Variants in HADHA observed in about 807,000 individuals in gnomAD.
The protein encoded by HADHA is trifunctional enzyme subunit alpha, mitochondrial.
In HADHA, 59 loss-of-function variants were observed where a neutral mutation model predicts 91.3. That is an observed-to-expected ratio of 0.65 (90% confidence interval 0.52 to 0.80). The LOEUF (loss-of-function observed/expected upper bound fraction) is 0.80, where lower values mean the gene tolerates loss of function less well. HADHA is among the 30% of genes least tolerant of loss of function. The pLI, the probability that HADHA is intolerant of heterozygous loss-of-function variation, is 0.00. For synonymous variants in HADHA, 320 were observed against 338.9 expected (o/e 0.94, Z 0.61); for missense variants, 800 against 927.6 (o/e 0.86, Z 1.79).
chr2:26,224,879 A>G (rs1470594668), intron 7 of HADHA, among the ~76,000 whole-genome samples: 1 of 152,262 alleles, frequency 6.6e-6, no homozygotes, highest in Non-Finnish European at 1.5e-5. Flanking sequence ...CTATCAGCTG[A>G]TAAACTATCA....
At chr2:26,197,347 CTA>C in intron 14 of HADHA, among the ~76,000 whole-genome samples, 1 of 152,214 alleles carries the variant, frequency 6.6e-6, no homozygotes, top group Non-Finnish European at 1.5e-5. Flanking sequence ...CAAACCTGTT[CTA>C]AACAGTCACT....
intron 5 of HADHA, 40 bp downstream of exon 5, chr2:26,234,177 T>A (rs1336254655): frequency 6.3e-7 from 1 of 1,594,264 alleles, no homozygotes; most frequent in Non-Finnish European, 8.6e-7. Context: ...ATGCCACCAA[T>A]GAGTTGGACA....
chr2:26,191,491 C>T lies in HADHA; in HGVS notation c.2138G>A (p.Cys713Tyr). The T allele has an allele frequency of 1.2e-6, 2 of 1,614,186 alleles. No individual in the cohort carries two copies. The highest frequency in any genetic ancestry group is 1.1e-5 in the South Asian group (1 of 91,082). The change falls in exon 19 of 20, where the codon TGT becomes TAT. Residue 713 changes from cysteine to tyrosine, a missense_variant. By Grantham distance (194) the Cys-to-Tyr change is radical. Transcript: ENST00000380649. ...GAVFGLGFPP[C>Y]LGGPFRFVDL... ...CAACCTGCGAGACCAACCTCCCAGA[C>T]AAGGCGGGAAGCCAAGCCCAAAGAC...
rs550076333 is a variant in HADHA, at chr2:26,229,612, G to A, written c.676+580C>T. Among the ~76,000 whole-genome samples the A allele has an allele frequency of 6.6e-6, 1 of 152,146 alleles. No homozygotes were observed. The highest frequency in any genetic ancestry group is 1.5e-5 in the Non-Finnish European group (1 of 68,024). ...ACACAAGAAACTGAAGGAAGGTTAT[G>A]CATGGATAATGATACAGGTAATTTA... On this transcript the variant is annotated intron_variant, in intron 7 of 19. Coordinates refer to ENST00000380649, the MANE Select transcript of HADHA (RefSeq NM_000182.5). This position sits in a 1 kb window ranked among gnomAD's most constrained non-coding sequence, Gnocchi z 4.3.
At chr2:26,235,928 A>G (rs565013028) in intron 4 of HADHA, among the ~76,000 whole-genome samples, 8 of 152,344 alleles carry the variant, frequency 5.3e-5, no homozygotes, top group Middle Eastern at 3.4e-3. Flanking sequence ...AGCTGCCTTT[A>G]ACAATCAAGT....
intron 7 of HADHA, among the ~76,000 whole-genome samples, chr2:26,219,735 C>T (rs1485646852): frequency 6.6e-6 from 1 of 152,110 alleles, no homozygotes; most frequent in Non-Finnish European, 1.5e-5. Flanking sequence ...AATAGTGGAG[C>T]CAAAGCAGTA....
chr2:26,238,789 G>A lies in HADHA; in HGVS notation c.180+145C>T, dbSNP rs1213626343. 8 of 699,762 alleles carry A rather than the reference G, an allele frequency of 1.1e-5. No individual in the cohort carries two copies. The East Asian group carries it at 1.9e-4, about 16-fold the overall frequency. 43.3% of individuals were successfully genotyped at this position (699,762 alleles called of 1,614,324 possible). On this transcript the variant is annotated intron_variant, in intron 3 of 19. Coordinates refer to ENST00000380649, the MANE Select transcript of HADHA (RefSeq NM_000182.5). Reference sequence around the variant, plus strand: ...CTGGCTCCCTTGGCAATCTGTCAAAGTTTAACATAACTGTCAAAACTGTAA... The same window carrying A: ...CTGGCTCCCTTGGCAATCTGTCAAAATTTAACATAACTGTCAAAACTGTAA...
chr2:26,207,664 A>T (rs1486043560), intron 11 of HADHA, among the ~76,000 whole-genome samples: 1 of 152,238 alleles, frequency 6.6e-6, no homozygotes, highest in East Asian at 1.9e-4. Flanking sequence ...ATGCTTTATA[A>T]GCCAACTGCT....
intron 7 of HADHA, among the ~76,000 whole-genome samples, chr2:26,220,415 A>G (rs1327479849): frequency 6.6e-6 from 1 of 152,198 alleles, no homozygotes; most frequent in African/African-American, 2.4e-5. Flanking sequence ...CAACACCACA[A>G]TCCTGGAGGG....
chr2:26,196,127 T>A (rs1669666574), intron 14 of HADHA, among the ~76,000 whole-genome samples: 1 of 152,218 alleles, frequency 6.6e-6, no homozygotes, highest in African/African-American at 2.4e-5. Context: ...TACAACCCTA[T>A]GAACTGGTCA....
chr2:26,191,096 T>C lies in HADHA; in HGVS notation c.*154A>G. 2.8e-6 allele frequency: 2 copies of C among 724,044 alleles called. No homozygotes were observed. The highest frequency in any genetic ancestry group is 4.9e-6 in the Non-Finnish European group (2 of 409,754). 44.9% of individuals were successfully genotyped at this position (724,044 alleles called of 1,614,324 possible). A position where few individuals can be genotyped will look rare whatever the true frequency, so the allele number is the denominator to read the frequency against. On this transcript the variant is annotated 3_prime_UTR_variant, in exon 20 of 20. Transcript: ENST00000380649. ...GTCACACTTCACCAGGAGGGAGAGATGGTCTTGGCTGAAGGCACTTTAATC... is the reference window on the plus strand; with the variant it reads ...GTCACACTTCACCAGGAGGGAGAGACGGTCTTGGCTGAAGGCACTTTAATC...
intron 1 of HADHA, among the ~76,000 whole-genome samples, chr2:26,241,488 A>C (rs181769114): frequency 6.6e-6 from 1 of 151,620 alleles, no homozygotes; most frequent in African/African-American, 2.4e-5. Context: ...AAAAAAAAAA[A>C]AACAAAAAAA....
At chr2:26,211,673 G>C (rs1379603691) in intron 10 of HADHA, among the ~76,000 whole-genome samples, 1 of 152,160 alleles carries the variant, frequency 6.6e-6, no homozygotes, top group Non-Finnish European at 1.5e-5. Context: ...TTTTGGATAA[G>C]AGATATTCAA....
In HADHA at chr2:26,229,883, A is replaced by G. The variant is rs965388013; in HGVS notation, c.676+309T>C. Among the ~76,000 whole-genome samples the G allele has an allele frequency of 2.6e-5, 4 of 152,126 alleles. No individual in the cohort carries two copies. The highest frequency in any genetic ancestry group is 5.9e-5 in the Non-Finnish European group (4 of 68,020). The stretch of plus-strand genomic sequence containing the variant: ...GCTCTGTTGCCCAGGCTGGAGCACA[A>G]TGGCATGATCTTGGCTCACTGCAAC... On this transcript the variant is annotated intron_variant, in intron 7 of 19. Transcript: ENST00000380649. This position sits in a 1 kb window ranked among gnomAD's most constrained non-coding sequence, Gnocchi z 4.3.
Position 26,236,953 on chromosome 2 carries a change from G to C in HADHA, c.216C>G (p.Phe72Leu). 6.2e-7 allele frequency: 1 copy of C among 1,605,864 alleles called. No individual in the cohort carries two copies. Among genetic ancestry groups the C allele is most frequent in the East Asian group, 2.2e-5 (1 of 44,850 alleles). Residue 72 changes from phenylalanine (F) to leucine (L), a missense_variant, in exon 4 of 20, where the codon TTC becomes TTG. Phe to Leu is a conservative substitution (Grantham distance 22, BLOSUM62 0). Transcript: ENST00000380649. ...CCCAGATTTCATTCATAACTTCTGA[G>C]AACTCTGAATGTAGCTCTTTACTCA... ...NTLSKELHSEFSEVMNEIWAS... is the reference protein window; with the variant it reads ...NTLSKELHSELSEVMNEIWAS...
chr2:26,214,657 C>G lies in HADHA; in HGVS notation c.800-96G>C. On this transcript the variant is annotated intron_variant, in intron 8 of 19. Transcript: ENST00000380649. This position sits in a 1 kb window ranked among gnomAD's most constrained non-coding sequence, Gnocchi z 4.1. Reference sequence around the variant, plus strand: ...CTCTATAAAAATGAAGTAATTCTAGCTATCTGCAAGAACTGCTCTTTATTC... The same window carrying G: ...CTCTATAAAAATGAAGTAATTCTAGGTATCTGCAAGAACTGCTCTTTATTC... 1.3e-6 allele frequency: 1 copy of G among 762,116 alleles called. No homozygotes were observed. The highest frequency in any genetic ancestry group is 1.9e-5 in the Admixed American group (1 of 52,108). 47.2% of individuals were successfully genotyped at this position (762,116 alleles called of 1,614,324 possible). A position where few individuals can be genotyped will look rare whatever the true frequency, so the allele number is the denominator to read the frequency against.
At chr2:26,226,995 G>A (rs1670498341) in intron 7 of HADHA, among the ~76,000 whole-genome samples, 1 of 152,146 alleles carries the variant, frequency 6.6e-6, no homozygotes, top group South Asian at 2.1e-4. Flanking sequence ...CTCTTATATA[G>A]TGAAAAGATA....
intron 16 of HADHA, among the ~76,000 whole-genome samples, chr2:26,194,324 G>A (rs1417824606): frequency 6.6e-6 from 1 of 152,182 alleles, no homozygotes; most frequent in Admixed American, 6.5e-5. Context: ...ATGCTGGGGG[G>A]TGGGGTGCCT....
chr2:26,194,573 G>A lies in HADHA; in HGVS notation c.1686C>T (p.Leu562=), dbSNP rs757813588. 12 of 1,598,678 alleles carry A rather than the reference G, an allele frequency of 7.5e-6. No individual in the cohort carries two copies. In the East Asian group the frequency reaches 2.5e-4, roughly 33 times the overall value. ...CACTCTGGAGAGCAATACCAACCTG[G>A]AGGATTCGGATGACTTCAGACATCA... ...APMMSEVIRI[L]QEGVDPKKLD... Residue 562 remains leucine (L), a synonymous_variant, in exon 16 of 20, where the codon CTC becomes CTT. Coordinates refer to ENST00000380649, the MANE Select transcript of HADHA (RefSeq NM_000182.5).
Sources: gnomAD v4.1 joint callset for allele counts (sites outside exome capture counted in the v4.1 genomes callset) on GRCh38, gnomAD v4.1.1 for gene constraint, Gnocchi (gnomAD v3.1) non-coding constraint, MANE v1.5 for transcripts, NCBI Gene and HGNC (gene_info 2026-07-23, HGNC 2026-07-21) for gene names.